KCNIP4: variants seen among roughly 807,000 people sequenced by gnomAD.
The protein encoded by KCNIP4 is potassium voltage-gated channel interacting protein 4.
Under a neutral mutation model 34.0 loss-of-function variants are expected in KCNIP4, and 12 were observed. The observed-to-expected ratio is 0.35, with a 90% CI of 0.23 to 0.57. The LOEUF (loss-of-function observed/expected upper bound fraction) is 0.57. Among genes scored for constraint, KCNIP4 ranks in the 20% least tolerant of loss-of-function variants. KCNIP4 has a pLI of 0.83. For synonymous variants in KCNIP4, 124 were observed against 102.2 expected, an observed-to-expected ratio of 1.21 and a Z score of -1.29; for missense variants, 238 against 311.7, an observed-to-expected ratio of 0.76 and a Z score of 1.78.
At chr4:21,376,974 C>T (rs1721018154) in intron 1 of KCNIP4, among the ~76,000 whole-genome samples, 1 of 152,110 alleles carries the variant, frequency 6.6e-6, no homozygotes, top group South Asian at 2.1e-4. Flanking sequence ...AATTTCTTTA[C>T]GATCAAACGA....
intron 1 of KCNIP4, among the ~76,000 whole-genome samples, chr4:21,728,369 T>C (rs191457291): frequency 3.1e-4 from 47 of 152,218 alleles, no homozygotes; most frequent in African/African-American, 1.1e-3. Context: ...CAGCAAATGG[T>C]GTTGGCTCAA....
chr4:20,751,645 C>T (rs1002664949), intron 4 of KCNIP4, among the ~76,000 whole-genome samples: 4 of 152,124 alleles, frequency 2.6e-5, no homozygotes, highest in African/African-American at 7.2e-5. Flanking sequence ...GCAAGCAGTA[C>T]TCACCATAAA....
chr4:21,235,957 T>C (rs1028397358), intron 1 of KCNIP4, among the ~76,000 whole-genome samples: 1 of 152,062 alleles, frequency 6.6e-6, no homozygotes, highest in African/African-American at 2.4e-5. Context: ...TGGAAATATG[T>C]ATAGGTTCTG....
chr4:21,773,946 T>C (rs1719002986), intron 1 of KCNIP4, among the ~76,000 whole-genome samples: 4 of 152,092 alleles, frequency 2.6e-5, no homozygotes, highest in Admixed American at 2.6e-4. Context: ...CATTTATGGT[T>C]AATATTGTTA....
At chr4:20,969,959 T>C (rs1734761766) in intron 1 of KCNIP4, among the ~76,000 whole-genome samples, 1 of 151,836 alleles carries the variant, frequency 6.6e-6, no homozygotes, top group Admixed American at 6.6e-5. Flanking sequence ...TTTTTTTTTT[T>C]GAGACGGATT....
chr4:21,867,727 C>A (rs1277524096), intron 1 of KCNIP4, among the ~76,000 whole-genome samples: 1 of 152,200 alleles, frequency 6.6e-6, no homozygotes, highest in Non-Finnish European at 1.5e-5. Context: ...TCCTCTAAAC[C>A]ACAGAAACAA....
At chr4:20,930,295 T>C (rs770217305) in intron 1 of KCNIP4, among the ~76,000 whole-genome samples, 1 of 151,864 alleles carries the variant, frequency 6.6e-6, no homozygotes, top group African/African-American at 2.4e-5. Flanking sequence ...TCTGGGAAAA[T>C]TGGATTGCAA....
intron 1 of KCNIP4, among the ~76,000 whole-genome samples, chr4:20,902,527 G>A (rs1577340363): frequency 6.6e-6 from 1 of 152,124 alleles, no homozygotes; most frequent in South Asian, 2.1e-4. Context: ...TGTTGTTATT[G>A]CTATTTTTTG....
intron 1 of KCNIP4, among the ~76,000 whole-genome samples, chr4:21,178,176 C>A (rs902549827): frequency 7.9e-5 from 12 of 152,148 alleles, no homozygotes; most frequent in Non-Finnish European, 1.5e-5. Flanking sequence ...GGTTCTTCCT[C>A]TTAATGAAAG....
chr4:21,499,940 CA>C (rs1733175605), intron 1 of KCNIP4, among the ~76,000 whole-genome samples: 1 of 152,100 alleles, frequency 6.6e-6, no homozygotes, highest in Non-Finnish European at 1.5e-5. Context: ...TGAATATTCA[CA>C]AATCAGAATT....
chr4:21,240,209 C>G (rs181540797), intron 1 of KCNIP4, among the ~76,000 whole-genome samples: 2,586 of 116,238 alleles, frequency 0.022, 41 homozygotes, highest in Non-Finnish European at 0.029. Flanking sequence ...GAACATCACA[C>G]ACTGGGGACT....
intron 1 of KCNIP4, among the ~76,000 whole-genome samples, chr4:20,989,616 A>G (rs1736900771): frequency 6.6e-6 from 1 of 152,196 alleles, no homozygotes; most frequent in African/African-American, 2.4e-5. Flanking sequence ...AATCTAGGTC[A>G]TTGAAAATGA....
intron 1 of KCNIP4, among the ~76,000 whole-genome samples, chr4:21,836,582 T>C (rs1723334241): frequency 6.6e-6 from 1 of 152,148 alleles, no homozygotes; most frequent in South Asian, 2.1e-4. Context: ...AGTTAACTAG[T>C]TCTCTAATAT....
chr4:21,945,805 A>G (rs1730480623), intron 1 of KCNIP4, among the ~76,000 whole-genome samples: 1 of 151,726 alleles, frequency 6.6e-6, no homozygotes, highest in Non-Finnish European at 1.5e-5. Context: ...GGAGTGCAAA[A>G]TATGGGATTA....
intron 1 of KCNIP4, among the ~76,000 whole-genome samples, chr4:21,632,927 A>G (rs1005693347): frequency 6.6e-6 from 1 of 152,190 alleles, no homozygotes; most frequent in African/African-American, 2.4e-5. Context: ...ATAATTGTAC[A>G]TAACACAAAA....
chr4:21,378,906 G>C (rs1232223462), intron 1 of KCNIP4, among the ~76,000 whole-genome samples: 1 of 151,634 alleles, frequency 6.6e-6, no homozygotes, highest in Non-Finnish European at 1.5e-5. Context: ...AAAAACACAG[G>C]GTTGAAATCA....
At chr4:21,107,080 TTGGGG>T (rs1197980713) in intron 1 of KCNIP4, among the ~76,000 whole-genome samples, 1 of 147,210 alleles carries the variant, frequency 6.8e-6, no homozygotes, top group Non-Finnish European at 1.5e-5. Context: ...TTCTGTTGAT[TTGGGG>T]TGGAGAGTTC....
chr4:21,858,565 A>T (rs1724888339), intron 1 of KCNIP4, among the ~76,000 whole-genome samples: 1 of 152,198 alleles, frequency 6.6e-6, no homozygotes, highest in South Asian at 2.1e-4. Flanking sequence ...GCGATGAAGA[A>T]TTCAACTCAA....
At chr4:21,205,039 A>T (rs913606736) in intron 1 of KCNIP4, among the ~76,000 whole-genome samples, 61 of 152,328 alleles carry the variant, frequency 4.0e-4, no homozygotes, top group African/African-American at 1.5e-3. Flanking sequence ...GCTCTGTGGC[A>T]GACTTAACTG....
Sources: allele counts gnomAD v4.1 joint callset (sites outside exome capture counted in the v4.1 genomes callset), GRCh38; gene constraint gnomAD v4.1.1; transcripts MANE v1.5; gene names NCBI Gene and HGNC (gene_info 2026-07-23, HGNC 2026-07-21).